Variants in WWOX observed in about 807,000 individuals in gnomAD.
WWOX encodes WW domain containing oxidoreductase.
In WWOX, 69 loss-of-function variants were observed where a neutral mutation model predicts 46.2. The observed-to-expected ratio is 1.49, with a 90% CI of 1.23 to 1.82. WWOX has a LOEUF of 1.82. Ranked by LOEUF, WWOX falls within the 40% of genes most tolerant of loss-of-function variation. The probability of loss-of-function intolerance (pLI) is 0.00; values close to 1 mark genes in which losing one functional copy is unlikely to be tolerated. For synonymous variants in WWOX, 359 were observed against 202.6 expected (o/e 1.77, Z -6.56); for missense variants, 919 against 542.6 (o/e 1.69, Z -6.89).
intron 8 of WWOX, among the ~76,000 whole-genome samples, chr16:78,504,408 G>C (rs180841383): frequency 1.3e-5 from 2 of 152,312 alleles, no homozygotes; most frequent in East Asian, 1.9e-4. Flanking sequence ...TTATAAGCAA[G>C]CTTGATCTCT....
chr16:78,196,658 ACT>A (rs1328651703), intron 5 of WWOX, among the ~76,000 whole-genome samples: 4 of 152,066 alleles, frequency 2.6e-5, no homozygotes, highest in African/African-American at 7.2e-5. Context: ...CTCCACTGAG[ACT>A]CTGGGGAAAA....
chr16:79,076,646 G>A (rs1052724368), intron 8 of WWOX, among the ~76,000 whole-genome samples: 2 of 152,120 alleles, frequency 1.3e-5, no homozygotes, highest in Admixed American at 6.5e-5. Flanking sequence ...CTAGGTAGGC[G>A]GTATGGGAAG....
intron 8 of WWOX, among the ~76,000 whole-genome samples, chr16:78,781,468 C>G (rs1237227762): frequency 6.6e-6 from 1 of 152,136 alleles, no homozygotes; most frequent in African/African-American, 2.4e-5. Context: ...ATTTCAAGAA[C>G]TGCTTTTCTT....
chr16:78,598,062 T>C (rs1016432159), intron 8 of WWOX, among the ~76,000 whole-genome samples: 16 of 152,176 alleles, frequency 1.1e-4, no homozygotes, highest in African/African-American at 3.9e-4. Flanking sequence ...CAGACTGCGC[T>C]TCATGAATTA....
At chr16:78,986,458 G>A (rs1286336967) in intron 8 of WWOX, among the ~76,000 whole-genome samples, 2 of 152,164 alleles carry the variant, frequency 1.3e-5, no homozygotes, top group African/African-American at 2.4e-5. Flanking sequence ...TAAGTAGGTT[G>A]GGGCTGTGCT....
intron 8 of WWOX, among the ~76,000 whole-genome samples, chr16:78,603,484 C>A (rs1426204949): frequency 6.6e-6 from 1 of 152,170 alleles, no homozygotes; most frequent in Admixed American, 6.5e-5. Context: ...TACTTGAGGC[C>A]AGGAGTTCGA....
chr16:78,390,525 C>T (rs946729505), intron 6 of WWOX, among the ~76,000 whole-genome samples: 3 of 152,140 alleles, frequency 2.0e-5, no homozygotes, highest in African/African-American at 7.2e-5. Flanking sequence ...GTATGTGTCC[C>T]ATGAGAGTAC....
chr16:78,213,269 A>AAAG (rs1269576781), intron 5 of WWOX, among the ~76,000 whole-genome samples: 1 of 151,468 alleles, frequency 6.6e-6, no homozygotes, highest in African/African-American at 2.4e-5. Flanking sequence ...AAAAAAAAAA[A>AAAG]AAATCTTTCA....
intron 8 of WWOX, among the ~76,000 whole-genome samples, chr16:78,523,322 T>C (rs1443550952): frequency 1.3e-5 from 2 of 152,242 alleles, no homozygotes; most frequent in Admixed American, 1.3e-4. Context: ...AGCTGTAAAC[T>C]GGATCCCCTG....
chr16:78,427,107 T>C (rs958415702), intron 7 of WWOX, among the ~76,000 whole-genome samples: 2 of 152,170 alleles, frequency 1.3e-5, no homozygotes, highest in African/African-American at 4.8e-5. Context: ...AGTTGCTCAC[T>C]ACCCAAGAAC....
chr16:78,329,294 G>C (rs2080704804), intron 5 of WWOX, among the ~76,000 whole-genome samples: 1 of 152,158 alleles, frequency 6.6e-6, no homozygotes, highest in African/African-American at 2.4e-5. Flanking sequence ...TGTCCAGCCA[G>C]TTCTCCTCTG....
At chr16:78,403,917 C>G (rs1212430021) in intron 6 of WWOX, among the ~76,000 whole-genome samples, 1 of 152,166 alleles carries the variant, frequency 6.6e-6, no homozygotes, top group Non-Finnish European at 1.5e-5. Context: ...ATTGCATGAG[C>G]TCTGTGGACC....
At chr16:78,691,075 A>G (rs967370691) in intron 8 of WWOX, among the ~76,000 whole-genome samples, 1 of 152,212 alleles carries the variant, frequency 6.6e-6, no homozygotes, top group Non-Finnish European at 1.5e-5. Flanking sequence ...AAAATGTATT[A>G]ATGACTTCTT....
chr16:78,544,672 A>G (rs1274298333), intron 8 of WWOX, among the ~76,000 whole-genome samples: 16 of 152,184 alleles, frequency 1.1e-4, no homozygotes, highest in Non-Finnish European at 2.9e-5. Flanking sequence ...CGGGAGTTTG[A>G]GACCAGCCTG....
intron 5 of WWOX, among the ~76,000 whole-genome samples, chr16:78,306,754 C>T (rs2080140966): frequency 6.6e-6 from 1 of 151,926 alleles, no homozygotes; most frequent in Non-Finnish European, 1.5e-5. Flanking sequence ...CCACTCTGTC[C>T]CATAATTCCC....
intron 8 of WWOX, chr16:79,078,282 G>T (rs1425654565): frequency 6.6e-6 from 1 of 152,138 alleles, no homozygotes; most frequent in Non-Finnish European, 1.5e-5. Context: ...ACTCTTCCTT[G>T]AATTCCATAG....
chr16:78,989,448 C>T (rs1348391666), intron 8 of WWOX, among the ~76,000 whole-genome samples: 1 of 152,212 alleles, frequency 6.6e-6, no homozygotes, highest in Non-Finnish European at 1.5e-5. Flanking sequence ...AGGCATCCTG[C>T]CCATGCTGGC....
At chr16:78,930,534 G>A (rs561445836) in intron 8 of WWOX, among the ~76,000 whole-genome samples, 10 of 138,772 alleles carry the variant, frequency 7.2e-5, no homozygotes, top group South Asian at 2.4e-4. Flanking sequence ...CAAGTGATCC[G>A]CCAGCCTCAG....
intron 6 of WWOX, among the ~76,000 whole-genome samples, chr16:78,401,944 T>A (rs1235443156): frequency 6.6e-6 from 1 of 152,158 alleles, no homozygotes; most frequent in African/African-American, 2.4e-5. Flanking sequence ...TAGATCCGCC[T>A]GCCTCTGTAA....
Sources: gnomAD v4.1 joint callset for allele counts (sites outside exome capture counted in the v4.1 genomes callset) on GRCh38, gnomAD v4.1.1 for gene constraint, MANE v1.5 for transcripts, NCBI Gene and HGNC (gene_info 2026-07-23, HGNC 2026-07-21) for gene names.